Variants in SPAG17 observed in about 807,000 individuals in gnomAD.
The protein encoded by SPAG17 is sperm-associated antigen 17.
In SPAG17, 169 loss-of-function variants were observed where a neutral mutation model predicts 273.6. The ratio of observed to expected loss-of-function variants is 0.62; its 90% CI spans 0.55 to 0.70. SPAG17 has a LOEUF of 0.70. Ranked by LOEUF, SPAG17 falls within the 30% of genes least tolerant of loss-of-function variation. SPAG17 has a pLI of 0.00. For synonymous variants in SPAG17, 825 were observed against 873.2 expected, an observed-to-expected ratio of 0.94 and a Z score of 0.97; for missense variants, 2,557 against 2,627.8, an observed-to-expected ratio of 0.97 and a Z score of 0.59.
chr1:118,020,438 A>T (rs75693261), intron 28 of SPAG17, among the ~76,000 whole-genome samples: 1 of 146,302 alleles, frequency 6.8e-6, no homozygotes, highest in African/African-American at 2.5e-5. Flanking sequence ...GTGTCTCAAG[A>T]AAAAAAAAAA....
chr1:117,996,460 G>A lies in SPAG17; in HGVS notation c.4963C>T (p.Leu1655Phe), dbSNP rs776443315. 3 of 1,612,872 alleles carry A rather than the reference G, an allele frequency of 1.9e-6. No homozygotes were observed. The highest frequency in any genetic ancestry group is 2.7e-5 in the African/African-American group (2 of 74,800). ...MYADGSGMELLRDSDIEEYLS... is the reference protein window; with the variant it reads ...MYADGSGMELFRDSDIEEYLS... ...TATTCTTCTATGTCACTGTCTCGAA[G>A]AAGTTCCATTCCTGATCCATCAGCA... The change falls in exon 34 of 49, where the codon CTT becomes TTT. Residue 1655 changes from leucine (L) to phenylalanine (F), a missense_variant. Coordinates refer to ENST00000336338, the MANE Select transcript of SPAG17 (RefSeq NM_206996.4).
intron 25 of SPAG17, among the ~76,000 whole-genome samples, chr1:118,029,938 A>C (rs760132306): frequency 3.6e-4 from 55 of 152,348 alleles, no homozygotes; most frequent in Middle Eastern, 3.4e-3. Flanking sequence ...AATGCTTATG[A>C]AATTCTGTAA....
At chr1:118,080,174 G>C (rs1654426867) in intron 15 of SPAG17, among the ~76,000 whole-genome samples, 1 of 152,078 alleles carries the variant, frequency 6.6e-6, no homozygotes, top group Non-Finnish European at 1.5e-5. Flanking sequence ...CAAAGTGCTG[G>C]GTTTATAGGA....
chr1:118,029,414 G>A (rs1218367912), intron 25 of SPAG17, among the ~76,000 whole-genome samples: 1 of 152,058 alleles, frequency 6.6e-6, no homozygotes, highest in Non-Finnish European at 1.5e-5. Flanking sequence ...CAGAAAAAGT[G>A]TGTGAGAGAC....
intron 7 of SPAG17, 90 bp downstream of exon 7, chr1:118,097,580 A>G: frequency 9.6e-7 from 1 of 1,045,820 alleles, no homozygotes. Context: ...ATCAGCGCTC[A>G]GTAACTATCT....
rs180707333 is a variant in SPAG17, at chr1:118,177,687, A to G, written c.87+7384T>C. 4.4e-3 allele frequency among the ~76,000 whole-genome samples: 670 copies of G among 152,282 alleles called. 2 individuals are homozygous for G. Among genetic ancestry groups the G allele is most frequent in the African/African-American group, 0.016 (645 of 41,572 alleles). On this transcript the variant is annotated intron_variant, in intron 1 of 48. Coordinates refer to ENST00000336338, the MANE Select transcript of SPAG17 (RefSeq NM_206996.4). ...TTGTCAAATCTTTAGCTAGACTAAG[A>G]AAAAAGAGAGAAGAGCCAGGTAAAT...
chr1:118,089,227 C>T (rs558104367), intron 10 of SPAG17, among the ~76,000 whole-genome samples: 2 of 151,802 alleles, frequency 1.3e-5, no homozygotes, highest in African/African-American at 4.8e-5. Context: ...TACTGGAGAC[C>T]CTCCAGAAAG....
chr1:118,154,949 G>A (rs1659574595), intron 1 of SPAG17, among the ~76,000 whole-genome samples: 1 of 152,116 alleles, frequency 6.6e-6, no homozygotes, highest in African/African-American at 2.4e-5. Context: ...AAGCTATACT[G>A]GATATATCCA....
intron 26 of SPAG17, among the ~76,000 whole-genome samples, chr1:118,026,119 C>A (rs889694327): frequency 1.3e-5 from 2 of 152,108 alleles, no homozygotes; most frequent in African/African-American, 4.8e-5. Context: ...TTGCCCATAG[C>A]CCCAGGGGAA....
At chr1:117,967,067 C>T (rs1402594199) in intron 46 of SPAG17, among the ~76,000 whole-genome samples, 2 of 152,082 alleles carry the variant, frequency 1.3e-5, no homozygotes, top group East Asian at 3.9e-4. Context: ...TGCAATACTC[C>T]TAATTGTGCT....
At chr1:117,991,715 G>A (rs72631712) in intron 36 of SPAG17, among the ~76,000 whole-genome samples, 187 bp from the exon 37 acceptor site, 10,510 of 152,252 alleles carry the variant, frequency 0.069, 577 homozygotes, top group East Asian at 0.31. Flanking sequence ...AAAAACCTGA[G>A]AAGTGCAAAA....
intron 48 of SPAG17, chr1:117,959,397 A>G: frequency 6.2e-7 from 1 of 1,613,778 alleles, no homozygotes; most frequent in Admixed American, 1.7e-5. Flanking sequence ...CTTGGAAGAG[A>G]AGAAGAGGAA....
At position 118,119,567 on chromosome 1, in the gene SPAG17, C is replaced by A. The variant is rs150098193; in HGVS notation, c.316-4126G>T. On this transcript the variant is annotated intron_variant, in intron 3 of 48. Coordinates refer to ENST00000336338, the MANE Select transcript of SPAG17 (RefSeq NM_206996.4). ...TTGCAGTAACTGTAAAAATTCACAA[C>A]ATATGACTTCATATTCAACCTATTT... Among the ~76,000 whole-genome samples the A allele has an allele frequency of 2.0e-3, 305 of 152,286 alleles. 6 individuals carry two copies. Among genetic ancestry groups the A allele is most frequent in the African/African-American group, 7.1e-3 (293 of 41,552 alleles).
intron 1 of SPAG17, among the ~76,000 whole-genome samples, chr1:118,153,972 G>T (rs953904277): frequency 3.3e-5 from 5 of 152,042 alleles, no homozygotes; most frequent in South Asian, 2.1e-4. Context: ...ATTTCCCAAG[G>T]TTCTTTCTCT....
intron 3 of SPAG17, among the ~76,000 whole-genome samples, chr1:118,118,164 T>A (rs1362785182): frequency 1.3e-5 from 2 of 152,210 alleles, no homozygotes; most frequent in Non-Finnish European, 2.9e-5. Context: ...AGACAGAATT[T>A]AAAGGAAATG....
rs529596906 is a variant in SPAG17, at chr1:118,068,150, T to A, written c.2386-1251A>T. Among the ~76,000 whole-genome samples, 20 of 149,982 alleles carry A rather than the reference T, an allele frequency of 1.3e-4. No individual in the cohort carries two copies. In the South Asian group the frequency reaches 4.2e-3, roughly 31 times the overall value. On this transcript the variant is annotated intron_variant, in intron 17 of 48. Coordinates refer to ENST00000336338, the MANE Select transcript of SPAG17 (RefSeq NM_206996.4). The stretch of plus-strand genomic sequence containing the variant: ...CTGAAGGCATGGAGTGATATATATA[T>A]AATATATATATATATAACATAATAA...
chr1:118,119,824 T>C (rs1657318775), intron 3 of SPAG17, among the ~76,000 whole-genome samples: 1 of 152,206 alleles, frequency 6.6e-6, no homozygotes, highest in Admixed American at 6.5e-5. Flanking sequence ...CACACATATA[T>C]GTATATTCAA....
At position 118,041,976 on chromosome 1, in the gene SPAG17, T is replaced by C; in HGVS notation, c.2881A>G (p.Lys961Glu). The change falls in exon 21 of 49, where the codon AAG (lysine) becomes GAG (glutamate). Residue 961 changes from lysine to glutamate, a missense_variant. Lys to Glu is a moderately conservative substitution (Grantham distance 56). Coordinates refer to ENST00000336338, the MANE Select transcript of SPAG17 (RefSeq NM_206996.4). ...ERLREEKKAE[K>E]KGKEAGKKKG... ...TTTTTACCAGCTTCTTTACCCTTCT[T>C]CTCTGCTTTCTTTTCTTCCCTTAAG... 3 of 1,614,026 alleles carry C rather than the reference T, an allele frequency of 1.9e-6. No individual in the cohort carries two copies. The highest frequency in any genetic ancestry group is 2.5e-6 in the Non-Finnish European group (3 of 1,179,938).
chr1:118,101,906 C>T lies in SPAG17; in HGVS notation c.468G>A (p.Lys156=). Residue 156 remains lysine (K), a synonymous_variant, in exon 5 of 49, where the codon AAG becomes AAA. Coordinates refer to ENST00000336338, the MANE Select transcript of SPAG17 (RefSeq NM_206996.4). ...TTGCTTTCCCTTTATCCTTTTCTAA[C>T]TTAGGTTTGTCTTCTATTACCTGGA... ...NEKKVIEDKP[K]LEKDKGKAKS... is the part of the protein sequence containing the mutation. 6.2e-7 allele frequency: 1 copy of T among 1,612,800 alleles called. No homozygotes were observed. Among genetic ancestry groups the T allele is most frequent in the Non-Finnish European group, 8.5e-7 (1 of 1,179,698 alleles).
Sources: gnomAD v4.1 joint callset for allele counts (sites outside exome capture counted in the v4.1 genomes callset) on GRCh38, gnomAD v4.1.1 for gene constraint, MANE v1.5 for transcripts, NCBI Gene and HGNC (gene_info 2026-07-23, HGNC 2026-07-21) for gene names.